The following SPAG16 variants were observed in gnomAD, a reference collection of about 807,000 sequenced individuals.
SPAG16 encodes the protein sperm-associated antigen 16 protein.
In SPAG16, 86 loss-of-function variants were observed where a neutral mutation model predicts 80.4. The observed-to-expected ratio is 1.07, with a 90% confidence interval of 0.90 to 1.28. The LOEUF is 1.28. Among genes scored for constraint, SPAG16 ranks in the 50% most tolerant of loss-of-function variants. The pLI, the probability that SPAG16 is intolerant of heterozygous loss-of-function variation, is 0.00. For synonymous variants in SPAG16, 294 were observed against 265.9 expected (o/e 1.11, Z -1.03); for missense variants, 870 against 765.3 (o/e 1.14, Z -1.61).
intron 13 of SPAG16, among the ~76,000 whole-genome samples, chr2:214,038,934 G>A (rs903302297): frequency 5.3e-5 from 8 of 152,106 alleles, no homozygotes; most frequent in Admixed American, 6.5e-5. Context: ...TCTTAATCCA[G>A]TCTATCATTG....
At chr2:213,991,611 C>T (rs1397175236) in intron 12 of SPAG16, among the ~76,000 whole-genome samples, 2 of 152,154 alleles carry the variant, frequency 1.3e-5, no homozygotes, top group Admixed American at 6.6e-5. Context: ...CTACCTTGTC[C>T]TGATGCTCTG....
rs571853663 is a variant in SPAG16 at position 214,215,917 on chromosome 2, A to G, written c.1720+66651A>G. ...ACTTTTTCCTGCCTTAGTTCCAAGA[A>G]AACATGACTCTGTTTCTAAATCAAA... On this transcript the variant is annotated intron_variant, in intron 15 of 15. Transcript: ENST00000331683. 6.6e-5 allele frequency among the ~76,000 whole-genome samples: 10 copies of G among 152,362 alleles called. No homozygotes were observed. In the East Asian group the frequency reaches 1.2e-3, roughly 18 times the overall value.
At chr2:213,738,757 C>T (rs976514089) in intron 10 of SPAG16, among the ~76,000 whole-genome samples, 26 of 152,198 alleles carry the variant, frequency 1.7e-4, no homozygotes, top group African/African-American at 3.4e-4. Flanking sequence ...TCCAACTCTC[C>T]GTTCTTTTTT....
intron 9 of SPAG16, among the ~76,000 whole-genome samples, chr2:213,431,518 T>C (rs1182554654): frequency 2.0e-5 from 3 of 151,902 alleles, no homozygotes; most frequent in Non-Finnish European, 2.9e-5. Flanking sequence ...AAAAAGTCAT[T>C]ATATAATGAT....
Position 214,374,238 on chromosome 2 carries a change from A to G in SPAG16, c.1721-35902A>G, listed in dbSNP as rs140365569. Reference sequence around the variant, plus strand: ...TTCCAAAAGTATCTGCTTGGCAGCAATATACCAGGAAGGGAATCTAGAAAT... The same window carrying G: ...TTCCAAAAGTATCTGCTTGGCAGCAGTATACCAGGAAGGGAATCTAGAAAT... On this transcript the variant is annotated intron_variant, in intron 15 of 15. Transcript: ENST00000331683. Among the ~76,000 whole-genome samples, 300 of 152,354 alleles carry G rather than the reference A, an allele frequency of 2.0e-3. 3 individuals carry two copies. The highest frequency in any genetic ancestry group is 7.0e-3 in the African/African-American group (291 of 41,594).
chr2:214,288,074 C>G (rs865862298), intron 15 of SPAG16, among the ~76,000 whole-genome samples: 2 of 152,088 alleles, frequency 1.3e-5, no homozygotes, highest in African/African-American at 4.8e-5. Flanking sequence ...TACCGCCCCC[C>G]CCAATCCCAC....
chr2:213,798,645 A>C (rs2071192511), intron 10 of SPAG16, among the ~76,000 whole-genome samples: 1 of 152,176 alleles, frequency 6.6e-6, no homozygotes, highest in Non-Finnish European at 1.5e-5. Flanking sequence ...AATACAATCT[A>C]ATGAGTCAGG....
chr2:213,351,789 G>A (rs1184461884), intron 7 of SPAG16, among the ~76,000 whole-genome samples: 1 of 152,076 alleles, frequency 6.6e-6, no homozygotes, highest in Non-Finnish European at 1.5e-5. Flanking sequence ...AAACATCATT[G>A]TCTTGATGCC....
chr2:213,651,408 A>T (rs1299519896), intron 10 of SPAG16, among the ~76,000 whole-genome samples: 8 of 152,318 alleles, frequency 5.3e-5, no homozygotes, highest in Non-Finnish European at 4.4e-5. Flanking sequence ...CATTGGTGAT[A>T]GGGGTTCCCT....
At chr2:213,590,669 T>C (rs1416864677) in intron 10 of SPAG16, among the ~76,000 whole-genome samples, 1 of 152,198 alleles carries the variant, frequency 6.6e-6, no homozygotes, top group African/African-American at 2.4e-5. Flanking sequence ...GCTAAGGTTG[T>C]GGAGAAAATG....
intron 10 of SPAG16, among the ~76,000 whole-genome samples, chr2:213,526,927 T>C (rs1281598258): frequency 2.0e-5 from 3 of 152,180 alleles, no homozygotes; most frequent in East Asian, 1.9e-4. Flanking sequence ...AGGTGTTCTC[T>C]CTAGGCTGGT....
At chr2:213,878,534 C>T (rs1456104853) in intron 11 of SPAG16, among the ~76,000 whole-genome samples, 1 of 151,910 alleles carries the variant, frequency 6.6e-6, no homozygotes, top group Admixed American at 6.6e-5. Context: ...TTTTGAGTTC[C>T]TTGTAAATTC....
chr2:213,918,006 T>G (rs528212451), intron 11 of SPAG16, among the ~76,000 whole-genome samples: 3 of 152,302 alleles, frequency 2.0e-5, no homozygotes, highest in Non-Finnish European at 2.9e-5. Context: ...CAAAAGACTT[T>G]TCTGCATCTA....
intron 15 of SPAG16, among the ~76,000 whole-genome samples, chr2:214,310,574 C>A (rs1371758717): frequency 6.6e-6 from 1 of 152,298 alleles, no homozygotes; most frequent in South Asian, 2.1e-4. Context: ...TGTGTGGAAG[C>A]ACCTGCCCTA....
intron 15 of SPAG16, among the ~76,000 whole-genome samples, chr2:214,173,432 G>C (rs550554938): frequency 6.3e-4 from 95 of 151,992 alleles, no homozygotes; most frequent in African/African-American, 2.3e-3. Context: ...ATTTCTGAGG[G>C]CTCTGTTCTG....
intron 15 of SPAG16, among the ~76,000 whole-genome samples, chr2:214,327,860 A>G (rs1696602560): frequency 6.6e-6 from 1 of 152,166 alleles, no homozygotes; most frequent in Non-Finnish European, 1.5e-5. Flanking sequence ...GAAAAGTATA[A>G]AATTTGTTGG....
At chr2:213,936,266 G>A (rs1275165451) in intron 12 of SPAG16, among the ~76,000 whole-genome samples, 3 of 152,164 alleles carry the variant, frequency 2.0e-5, no homozygotes, top group Non-Finnish European at 2.9e-5. Context: ...GAGAATGGTA[G>A]GGGTAAGGTA....
chr2:213,844,051 T>G (rs759240287), intron 10 of SPAG16, among the ~76,000 whole-genome samples: 28 of 152,164 alleles, frequency 1.8e-4, no homozygotes, highest in Non-Finnish European at 3.2e-4. Context: ...ATAAGAAAGC[T>G]AAAACCTAAA....
chr2:214,221,098 T>G (rs2058555489), intron 15 of SPAG16, among the ~76,000 whole-genome samples: 1 of 152,178 alleles, frequency 6.6e-6, no homozygotes, highest in African/African-American at 2.4e-5. Context: ...TTTTAGAATT[T>G]CCCCATAAGA....
Sources: gnomAD v4.1 joint callset for allele counts (sites outside exome capture counted in the v4.1 genomes callset) on GRCh38, gnomAD v4.1.1 for gene constraint, MANE v1.5 for transcripts, NCBI Gene and HGNC (gene_info 2026-07-23, HGNC 2026-07-21) for gene names.